Variants in CHMP2B observed in about 807,000 individuals in gnomAD.
CHMP2B encodes VPS2 homolog B.
A neutral mutation model predicts 29.8 loss-of-function variants in CHMP2B; 22 were observed. The observed-to-expected ratio is 0.74, with a 90% CI of 0.53 to 1.05. The LOEUF (loss-of-function observed/expected upper bound fraction) is 1.05. Ranked by LOEUF, CHMP2B falls within the 50% of genes least tolerant of loss-of-function variation. The pLI, the probability that CHMP2B is intolerant of heterozygous loss-of-function variation, is 0.00. For synonymous variants in CHMP2B, 78 were observed against 75.8 expected (o/e 1.03, Z -0.15); for missense variants, 261 against 252.2 (o/e 1.03, Z -0.24).
At chr3:87,229,323 T>G (rs993949622) in intron 1 of CHMP2B, among the ~76,000 whole-genome samples, 3 of 152,196 alleles carry the variant, frequency 2.0e-5, no homozygotes, top group Non-Finnish European at 4.4e-5. Flanking sequence ...ATAGACTTAT[T>G]TGTAAAAGAG....
At chr3:87,247,930 T>C (rs1706243840) in intron 3 of CHMP2B, among the ~76,000 whole-genome samples, 1 of 152,108 alleles carries the variant, frequency 6.6e-6, no homozygotes, top group Non-Finnish European at 1.5e-5. Flanking sequence ...TTTGTGCAAA[T>C]AAAGAGTAGA....
rs543227806 is a variant in CHMP2B, at chr3:87,242,602, T to C, written c.126+1812T>C. ...TCTAGAAATATTACAGTTTTAGTTC[T>C]TACATTTAAAACTGTGAACCATATT... On this transcript the variant is annotated intron_variant, in intron 2 of 5. Coordinates refer to ENST00000263780, the MANE Select transcript of CHMP2B (RefSeq NM_014043.4). Among the ~76,000 whole-genome samples, 3 of 152,314 alleles carry C rather than the reference T, an allele frequency of 2.0e-5. No individual in the cohort carries two copies. In the South Asian group the frequency reaches 6.2e-4, roughly 32 times the overall value.
At chr3:87,248,019 C>T (rs867057998) in intron 3 of CHMP2B, among the ~76,000 whole-genome samples, 3 of 151,890 alleles carry the variant, frequency 2.0e-5, no homozygotes, top group Non-Finnish European at 4.4e-5. Flanking sequence ...AGCCTCAAGC[C>T]GGGCATGGTG....
chr3:87,232,666 C>T (rs1705930373), intron 1 of CHMP2B, among the ~76,000 whole-genome samples: 1 of 152,286 alleles, frequency 6.6e-6, no homozygotes, highest in East Asian at 1.9e-4. Context: ...CAAAGACAGA[C>T]ATTTCCTTTC....
chr3:87,227,409 G>A lies in CHMP2B; in HGVS notation c.-114G>A. Reference sequence around the variant, plus strand: ...CTGGCGACCCCGACCTCCTCCTGCTGTCTCTCCGCTCCGCCACCCCGAACC... The same window carrying A: ...CTGGCGACCCCGACCTCCTCCTGCTATCTCTCCGCTCCGCCACCCCGAACC... On this transcript the variant is annotated 5_prime_UTR_variant, in exon 1 of 6. Coordinates refer to ENST00000263780, the MANE Select transcript of CHMP2B (RefSeq NM_014043.4). 8.0e-7 allele frequency: 1 copy of A among 1,250,350 alleles called. No individual in the cohort carries two copies. The allele number at this position is 1,250,350 out of a possible 1,614,324, so 77.5% of individuals were successfully genotyped here. A position where few individuals can be genotyped will look rare whatever the true frequency, so the allele number is the denominator to read the frequency against.
chr3:87,245,886 G>T lies in CHMP2B; in HGVS notation c.299G>T (p.Gly100Val). 1.9e-6 allele frequency: 3 copies of T among 1,612,996 alleles called. No homozygotes were observed. Among genetic ancestry groups the T allele is most frequent in the Admixed American group, 1.7e-5 (1 of 59,952 alleles). ...KVMNSQMKMAGAMSTTAKTMQ... is the reference protein window; with the variant it reads ...KVMNSQMKMAVAMSTTAKTMQ... ...ATGAATTCCCAAATGAAGATGGCTG[G>T]AGCAATGTCTACTACAGCAAAAGTA... Residue 100 changes from glycine (G) to valine (V), a missense_variant, in exon 3 of 6, where the codon GGA becomes GTA. By Grantham distance (109) the Gly-to-Val change is moderately radical (BLOSUM62 -3). Coordinates refer to ENST00000263780, the MANE Select transcript of CHMP2B (RefSeq NM_014043.4).
chr3:87,252,460 T>C lies in CHMP2B; in HGVS notation c.425-944T>C, dbSNP rs567927856. On this transcript the variant is annotated intron_variant, in intron 4 of 5. Coordinates refer to ENST00000263780, the MANE Select transcript of CHMP2B (RefSeq NM_014043.4). ...ACTTATTCCTTCTTGCTTGTGTCCCTGTTGCCTCACAGTGACTTTGCCCAG... is the reference window on the plus strand; with the variant it reads ...ACTTATTCCTTCTTGCTTGTGTCCCCGTTGCCTCACAGTGACTTTGCCCAG... 1.4e-4 allele frequency among the ~76,000 whole-genome samples: 22 copies of C among 152,006 alleles called. No homozygotes were observed. In the South Asian group the frequency reaches 4.4e-3, roughly 30 times the overall value.
rs11540914 is a variant in CHMP2B, at chr3:87,227,488, G to C, written c.-35G>C. 106 of 1,613,964 alleles carry C rather than the reference G, an allele frequency of 6.6e-5. No individual in the cohort carries two copies. In the African/African-American group the frequency reaches 1.3e-3, roughly 20 times the overall value. ...CCTTTGCCAGCGTTGGGCCGGACCG[G>C]GCCGAGCCGGGCCGCCCGGGCGCAG... On this transcript the variant is annotated 5_prime_UTR_variant, in exon 1 of 6. Coordinates refer to ENST00000263780, the MANE Select transcript of CHMP2B (RefSeq NM_014043.4).
chr3:87,227,320 G>C lies in CHMP2B; in HGVS notation c.-203G>C, dbSNP rs1705824895. On this transcript the variant is annotated 5_prime_UTR_variant, in exon 1 of 6. Transcript: ENST00000263780. ...TCTCCAAAAAGTGTGTTAGTTCCCG[G>C]TCACCTGAGCTCCGGGTGACGCGGC... 3.2e-6 allele frequency: 2 copies of C among 619,722 alleles called. No homozygotes were observed. Among genetic ancestry groups the C allele is most frequent in the Admixed American group, 2.8e-5 (1 of 35,778 alleles). The allele number at this position is 619,722 out of a possible 1,614,324, so 38.4% of individuals were successfully genotyped here.
chr3:87,232,753 A>G (rs1246943880), intron 1 of CHMP2B, among the ~76,000 whole-genome samples: 1 of 151,986 alleles, frequency 6.6e-6, no homozygotes, highest in African/African-American at 2.4e-5. Context: ...TCATTCTCTC[A>G]TTTATCTAAG....
chr3:87,253,600 T>C, intron 5 of CHMP2B, 90 bp downstream of exon 5: 1 of 1,341,964 alleles, frequency 7.5e-7, no homozygotes, highest in Admixed American at 1.8e-5. Flanking sequence ...AGGTGCATGG[T>C]TTTTATTTCT....
intron 4 of CHMP2B, among the ~76,000 whole-genome samples, chr3:87,252,740 T>A (rs1025930140): frequency 1.3e-5 from 2 of 151,888 alleles, no homozygotes; most frequent in Non-Finnish European, 2.9e-5. Context: ...TGCCCAAGAT[T>A]CAAAGATAAA....
At chr3:87,239,902 G>A (rs1036361207) in intron 1 of CHMP2B, among the ~76,000 whole-genome samples, 8 of 152,098 alleles carry the variant, frequency 5.3e-5, no homozygotes, top group African/African-American at 1.9e-4. Context: ...TGATCAAGTG[G>A]CTGAGGTGAG....
At chr3:87,235,427 G>T (rs115896043) in intron 1 of CHMP2B, among the ~76,000 whole-genome samples, 2,524 of 152,172 alleles carry the variant, frequency 0.017, 35 homozygotes, top group Non-Finnish European at 0.026. Flanking sequence ...ATGTTTTAAG[G>T]TGTTGTGATT....
rs1314697120 is a variant in CHMP2B at position 87,253,456 on chromosome 3, C to T, written c.477C>T (p.Ser159=). The T allele has an allele frequency of 1.2e-6, 2 of 1,611,824 alleles. No homozygotes were observed. The highest frequency in any genetic ancestry group is 1.1e-5 in the South Asian group (1 of 91,030). The change falls in exon 5 of 6, where the codon AGC becomes AGT. Residue 159 remains serine (S), a synonymous_variant. Transcript: ENST00000263780. ...ACGGTTCTGATGACGAAGAAGAAAG[C>T]CAGGATATTGTGAATCAAGTTCTTG... The part of the protein sequence containing the change: ...IFDGSDDEEE[S]QDIVNQVLDE...
At chr3:87,252,867 G>T (rs1706339946) in intron 4 of CHMP2B, among the ~76,000 whole-genome samples, 2 of 151,952 alleles carry the variant, frequency 1.3e-5, no homozygotes, top group Non-Finnish European at 2.9e-5. Context: ...AAAGGTTGTA[G>T]CAGTAATAAT....
In CHMP2B at chr3:87,254,727, C is replaced by A. The variant is rs1706374032; in HGVS notation, c.*905C>A. 1 of 151,134 alleles carries A rather than the reference C, an allele frequency of 6.6e-6. No homozygotes were observed. The highest frequency in any genetic ancestry group is 2.4e-5 in the African/African-American group (1 of 41,226). The allele number at this position is 151,134 out of a possible 1,614,324, so 9.4% of individuals were successfully genotyped here. The stretch of plus-strand genomic sequence containing the variant: ...ATAGTAAGAAAACAATATATTTTGG[C>A]CATCTAAAAATGAGAATTATAATTA... On this transcript the variant is annotated 3_prime_UTR_variant, in exon 6 of 6. Transcript: ENST00000263780.
chr3:87,230,400 C>A (rs189305001), intron 1 of CHMP2B, among the ~76,000 whole-genome samples: 125 of 152,238 alleles, frequency 8.2e-4, no homozygotes, highest in African/African-American at 2.9e-3. Flanking sequence ...GATCATACAG[C>A]TATTAAGTGT....
chr3:87,242,700 A>G (rs1299675496), intron 2 of CHMP2B, among the ~76,000 whole-genome samples: 1 of 152,172 alleles, frequency 6.6e-6, no homozygotes, highest in African/African-American at 2.4e-5. Context: ...AGTTGTTTCA[A>G]CATAATTATT....
Sources: allele counts gnomAD v4.1 joint callset (sites outside exome capture counted in the v4.1 genomes callset), GRCh38; gene constraint gnomAD v4.1.1; transcripts MANE v1.5; gene names NCBI Gene and HGNC (gene_info 2026-07-23, HGNC 2026-07-21).